Variants in MAP2 observed in about 807,000 individuals in gnomAD.
The protein encoded by MAP2 is microtubule-associated protein 2.
A neutral mutation model predicts 137.6 loss-of-function variants in MAP2; 14 were observed. The ratio of observed to expected loss-of-function variants is 0.10; its 90% CI spans 0.07 to 0.16. MAP2 has a LOEUF of 0.16. MAP2 is among the 10% of genes least tolerant of loss of function. The pLI, the probability that MAP2 is intolerant of heterozygous loss-of-function variation, is 1.00. For synonymous variants in MAP2, 786 were observed against 782.3 expected, an observed-to-expected ratio of 1.00 and a Z score of -0.08; for missense variants, 2,088 against 2,191.5, an observed-to-expected ratio of 0.95 and a Z score of 0.94.
chr2:209,585,933 C>T (rs1490723949), intron 3 of MAP2, among the ~76,000 whole-genome samples: 4 of 152,122 alleles, frequency 2.6e-5, no homozygotes, highest in Non-Finnish European at 4.4e-5. Context: ...CTTTAATTAT[C>T]ACAGTATCTC....
At chr2:209,458,016 A>G (rs775033452) in intron 1 of MAP2, among the ~76,000 whole-genome samples, 9 of 152,126 alleles carry the variant, frequency 5.9e-5, no homozygotes, top group South Asian at 2.1e-4. Context: ...AGGCTGCACT[A>G]TGTTTCCAGT....
rs144888904 is a variant in MAP2, at chr2:209,485,353, G to A, written c.-221-22239G>A. 3.7e-3 allele frequency among the ~76,000 whole-genome samples: 559 copies of A among 152,282 alleles called. 6 individuals carry two copies. Among genetic ancestry groups the A allele is most frequent in the Middle Eastern group, 0.02 (6 of 294 alleles). On this transcript the variant is annotated intron_variant, in intron 1 of 15. Coordinates refer to ENST00000682079, the MANE Select transcript of MAP2 (RefSeq NM_001375505.1). ...AGAAGAGTTAATCAATTCATTAGAG[G>A]TGGATTATAAGCCCCACCTCCTATA... is the stretch of plus-strand genomic sequence containing the variant.
At chr2:209,583,043 G>T (rs971031061) in intron 3 of MAP2, among the ~76,000 whole-genome samples, 1 of 151,920 alleles carries the variant, frequency 6.6e-6, no homozygotes, top group African/African-American at 2.4e-5. Flanking sequence ...TTGTCTTGAT[G>T]TTCCATGCAA....
intron 1 of MAP2, among the ~76,000 whole-genome samples, chr2:209,433,834 C>T (rs1241750133): frequency 1.3e-5 from 2 of 151,464 alleles, no homozygotes; most frequent in Non-Finnish European, 2.9e-5. Flanking sequence ...CTCTTTGTAC[C>T]CCAAACCAAG....
chr2:209,655,423 G>A (rs182437735), intron 5 of MAP2, among the ~76,000 whole-genome samples: 61 of 152,284 alleles, frequency 4.0e-4, no homozygotes, highest in East Asian at 3.3e-3. Flanking sequence ...ATATGCATGT[G>A]TAGAAATCTT....
intron 2 of MAP2, among the ~76,000 whole-genome samples, chr2:209,523,274 A>G (rs148806095): frequency 6.6e-6 from 1 of 152,266 alleles, no homozygotes; most frequent in East Asian, 1.9e-4. Context: ...TTAAAGATTA[A>G]TTAGATTCCT....
chr2:209,672,256 T>C (rs1411943737), intron 5 of MAP2, among the ~76,000 whole-genome samples: 1 of 151,814 alleles, frequency 6.6e-6, no homozygotes, highest in Non-Finnish European at 1.5e-5. Context: ...GTATTGTCTG[T>C]TAGGGTCCCA....
intron 1 of MAP2, among the ~76,000 whole-genome samples, chr2:209,506,647 A>G (rs1376207878): frequency 1.3e-5 from 2 of 152,120 alleles, no homozygotes; most frequent in African/African-American, 4.8e-5. Context: ...TTATACTTCC[A>G]TTTGACAACA....
At chr2:209,580,667 T>G (rs2076205011) in intron 3 of MAP2, among the ~76,000 whole-genome samples, 1 of 152,216 alleles carries the variant, frequency 6.6e-6, no homozygotes. Flanking sequence ...AAAGAAGTTA[T>G]TTTACATTTG....
chr2:209,718,281 A>G (rs914886040), intron 13 of MAP2, among the ~76,000 whole-genome samples: 5 of 152,210 alleles, frequency 3.3e-5, no homozygotes, highest in Admixed American at 6.5e-5. Context: ...ACAAAGACAC[A>G]GGAACTAATG....
At chr2:209,488,134 C>T (rs754970579) in intron 1 of MAP2, among the ~76,000 whole-genome samples, 2 of 152,110 alleles carry the variant, frequency 1.3e-5, no homozygotes, top group African/African-American at 2.4e-5. Context: ...CCATGGAGGT[C>T]GAGCAGAAGC....
intron 1 of MAP2, among the ~76,000 whole-genome samples, chr2:209,445,162 A>C (rs1220276194): frequency 6.6e-6 from 1 of 151,624 alleles, no homozygotes; most frequent in African/African-American, 2.4e-5. Context: ...AGCGGCTTCC[A>C]CATTTAAGTA....
At chr2:209,566,703 G>A (rs2073489518) in intron 2 of MAP2, among the ~76,000 whole-genome samples, 1 of 151,988 alleles carries the variant, frequency 6.6e-6, no homozygotes, top group Non-Finnish European at 1.5e-5. Flanking sequence ...ACCCCCGTTT[G>A]TTTCTTTGTT....
At chr2:209,465,872 A>T (rs1704011635) in intron 1 of MAP2, among the ~76,000 whole-genome samples, 1 of 152,184 alleles carries the variant, frequency 6.6e-6, no homozygotes, top group Admixed American at 6.5e-5. Context: ...TTCCAAAAGC[A>T]CTGTGATGGT....
At chr2:209,455,156 G>A (rs1330843540) in intron 1 of MAP2, among the ~76,000 whole-genome samples, 2 of 152,102 alleles carry the variant, frequency 1.3e-5, no homozygotes, top group East Asian at 1.9e-4. Flanking sequence ...TGGAGGTTAG[G>A]TCTCCAACAT....
At chr2:209,543,205 A>G (rs1038296993) in intron 2 of MAP2, among the ~76,000 whole-genome samples, 1 of 152,202 alleles carries the variant, frequency 6.6e-6, no homozygotes, top group Admixed American at 6.5e-5. Flanking sequence ...AATAGGGGAA[A>G]GGCCAGTCAG....
intron 6 of MAP2, among the ~76,000 whole-genome samples, chr2:209,678,886 T>G (rs2053206496): frequency 2.0e-5 from 3 of 152,152 alleles, no homozygotes; most frequent in African/African-American, 7.2e-5. Flanking sequence ...TAGTCTTTCG[T>G]TAGGGTGGTG....
intron 1 of MAP2, among the ~76,000 whole-genome samples, chr2:209,506,126 T>C (rs991369265): frequency 6.6e-6 from 1 of 152,114 alleles, no homozygotes; most frequent in Non-Finnish European, 1.5e-5. Flanking sequence ...TAGTTGGAAG[T>C]CAAGATAGAT....
In MAP2 at chr2:209,459,047, T is replaced by A. The variant is rs567290717; in HGVS notation, c.-222+34771T>A. Among the ~76,000 whole-genome samples the A allele has an allele frequency of 6.6e-5, 10 of 152,348 alleles. No homozygotes were observed. The South Asian group carries it at 2.1e-3, about 32-fold the overall frequency. ...ATATAGATCAAGCTATTGCTATTTG[T>A]GAAATTCATTTTACCTCTGTAAGAC... is the stretch of plus-strand genomic sequence containing the variant. On this transcript the variant is annotated intron_variant, in intron 1 of 15. Coordinates refer to ENST00000682079, the MANE Select transcript of MAP2 (RefSeq NM_001375505.1).
Sources: allele counts gnomAD v4.1 joint callset (sites outside exome capture counted in the v4.1 genomes callset), GRCh38; gene constraint gnomAD v4.1.1; transcripts MANE v1.5; gene names NCBI Gene and HGNC (gene_info 2026-07-23, HGNC 2026-07-21).